METTL15: variants seen among roughly 807,000 people sequenced by gnomAD.
METTL15 encodes 12S rRNA N(4)-cytidine methyltransferase METTL15.
METTL15 carries 34 observed loss-of-function variants against 38.3 expected under a neutral mutation model. That is an observed-to-expected ratio of 0.89 (90% CI 0.68 to 1.18). The LOEUF (loss-of-function observed/expected upper bound fraction) is 1.18. METTL15 is among the 50% of genes most tolerant of loss of function. The pLI is 0.00. For missense variants in METTL15, 438 were observed against 498.4 expected, an observed-to-expected ratio of 0.88 and a Z score of 1.15; for synonymous variants, 162 against 170.9, an observed-to-expected ratio of 0.95 and a Z score of 0.41.
Position 28,330,517 on chromosome 11 carries a change from C to T in METTL15, c.900C>T (p.Tyr300=). The T allele has an allele frequency of 6.4e-7, 1 of 1,551,664 alleles. No homozygotes were observed. The highest frequency in any genetic ancestry group is 8.7e-7 in the Non-Finnish European group (1 of 1,146,970). ...TGAACAATGAGCTCAATGAACTCTA[C>T]ACGGGACTGAAGACAGCTCAGAAGT... ...IFVNNELNEL[Y]TGLKTAQKFL... Residue 300 remains tyrosine (Y), a synonymous_variant, in exon 7 of 7, where the codon TAC becomes TAT. Coordinates refer to ENST00000407364, the MANE Select transcript of METTL15 (RefSeq NM_001113528.2).
chr11:28,469,690 T>C (rs938712656), intron 6 of METTL15, among the ~76,000 whole-genome samples: 2 of 152,140 alleles, frequency 1.3e-5, no homozygotes, highest in South Asian at 2.1e-4. Context: ...GTTACAAGAA[T>C]GTCTACACAT....
At chr11:28,130,767 T>C (rs1422887742) in intron 3 of METTL15, among the ~76,000 whole-genome samples, 1 of 152,210 alleles carries the variant, frequency 6.6e-6, no homozygotes, top group Non-Finnish European at 1.5e-5. Flanking sequence ...TTGCTAAATA[T>C]GACTTGATTT....
At chr11:28,291,474 C>T (rs1856511906) in intron 5 of METTL15, among the ~76,000 whole-genome samples, 1 of 152,098 alleles carries the variant, frequency 6.6e-6, no homozygotes, top group Admixed American at 6.6e-5. Flanking sequence ...TTTTTTCTCT[C>T]ATACCATGCC....
intron 4 of METTL15, among the ~76,000 whole-genome samples, chr11:28,275,642 C>CAAA (rs34145059): frequency 0.075 from 10,373 of 138,718 alleles, 552 homozygotes; most frequent in Non-Finnish European, 0.12. Context: ...ACAAAGATAC[C>CAAA]AAAAAAAAAA....
At chr11:28,399,440 T>C (rs1850608370) in intron 5 of METTL15, among the ~76,000 whole-genome samples, 1 of 152,014 alleles carries the variant, frequency 6.6e-6, no homozygotes, top group African/African-American at 2.4e-5. Context: ...TTTCATCCTT[T>C]GCAGAAAACT....
At chr11:28,163,580 ATACAC>A (rs1407767877) in intron 3 of METTL15, 1 of 395,132 alleles carries the variant, frequency 2.5e-6, no homozygotes, top group Admixed American at 4.4e-5. Flanking sequence ...TGTCTGGAGA[ATACAC>A]AATCAAATGT....
intron 6 of METTL15, among the ~76,000 whole-genome samples, chr11:28,430,404 C>T (rs1850909985): frequency 1.3e-4 from 9 of 70,528 alleles, no homozygotes; most frequent in Admixed American, 1.1e-3. Flanking sequence ...GGCCAGCCGC[C>T]CCGTCCGGGA....
At chr11:28,346,418 A>T (rs1322521617) in intron 3 of METTL15, among the ~76,000 whole-genome samples, 1 of 152,192 alleles carries the variant, frequency 6.6e-6, no homozygotes. Flanking sequence ...GCAATGAGTC[A>T]TATTTTATAG....
chr11:28,374,670 C>G (rs2133378401), intron 5 of METTL15, among the ~76,000 whole-genome samples: 1 of 150,224 alleles, frequency 6.7e-6, no homozygotes, highest in Non-Finnish European at 1.5e-5. Flanking sequence ...CTTCTCCTGC[C>G]TAATTGCCCT....
At chr11:28,390,840 A>G (rs1327909825) in intron 5 of METTL15, among the ~76,000 whole-genome samples, 1 of 152,134 alleles carries the variant, frequency 6.6e-6, no homozygotes, top group East Asian at 1.9e-4. Flanking sequence ...TTTTCATGAT[A>G]TTGATTCTTC....
intron 3 of METTL15, among the ~76,000 whole-genome samples, chr11:28,145,932 A>G (rs1158203718): frequency 6.6e-6 from 1 of 151,966 alleles, no homozygotes. Flanking sequence ...TTTTCTTCGC[A>G]TCTGAATTTT....
At chr11:28,525,842 G>T (rs1485675346) in intron 6 of METTL15, among the ~76,000 whole-genome samples, 1 of 152,254 alleles carries the variant, frequency 6.6e-6, no homozygotes, top group Non-Finnish European at 1.5e-5. Flanking sequence ...GCGCTGTGGA[G>T]CAGGGGGCGG....
intron 6 of METTL15, among the ~76,000 whole-genome samples, chr11:28,485,886 A>G (rs1012768124): frequency 6.6e-6 from 1 of 152,138 alleles, no homozygotes; most frequent in Non-Finnish European, 1.5e-5. Flanking sequence ...ATGTCCTCAG[A>G]TGGCCTTTCT....
At chr11:28,499,740 A>G (rs1355742748) in intron 6 of METTL15, among the ~76,000 whole-genome samples, 2 of 152,208 alleles carry the variant, frequency 1.3e-5, no homozygotes, top group African/African-American at 2.4e-5. Context: ...TGGGCATTTC[A>G]GAGGTCAGGA....
chr11:28,167,983 T>C (rs977786624), intron 3 of METTL15, among the ~76,000 whole-genome samples: 7 of 151,932 alleles, frequency 4.6e-5, no homozygotes, highest in African/African-American at 1.7e-4. Context: ...ACCAGTCCAT[T>C]TTTTTTAGAA....
At chr11:28,195,214 C>A (rs754130786) in intron 3 of METTL15, among the ~76,000 whole-genome samples, 1 of 151,956 alleles carries the variant, frequency 6.6e-6, no homozygotes, top group African/African-American at 2.4e-5. Flanking sequence ...GATTTCTTTT[C>A]TTTTAGGTAG....
Position 28,310,878 on chromosome 11 carries a change from A to ATGCTGCTGC in METTL15, c.778+13977_778+13985dup, listed in dbSNP as rs878913369. Among the ~76,000 whole-genome samples the ATGCTGCTGC allele has an allele frequency of 3.4e-3, 223 of 64,728 alleles. 8 individuals carry two copies. The highest frequency in any genetic ancestry group is 8.8e-3 in the South Asian group (12 of 1,366). The allele number at this position is 64,728 out of a possible 152,430, so 42.5% of individuals were successfully genotyped here. On this transcript the variant is annotated intron_variant, in intron 6 of 6. Coordinates refer to ENST00000407364, the MANE Select transcript of METTL15 (RefSeq NM_001113528.2). ...TTTTCATCTTTAAGACCTAGCTTAAATGCTGCTGCTGCTGCTGCTGCTGCT... is the reference window on the plus strand; with the variant it reads ...TTTTCATCTTTAAGACCTAGCTTAAATGCTGCTGCTGCTGCTGCTGCTGCTGCTGCTGCT...
rs1471292839 is a variant in METTL15, at chr11:28,311,001, TGTGA to T, written c.778+14072_778+14075del. On this transcript the variant is annotated intron_variant, in intron 6 of 6. Transcript: ENST00000407364. ...GTGTGTGTGTGTGTGTGTGTGTGTG[TGTGA>T]GAGAGAGAGAGAGAGAGAGGAAGAG... is the stretch of plus-strand genomic sequence containing the variant. Among the ~76,000 whole-genome samples, 65 of 137,926 alleles carry T rather than the reference TGTGA, an allele frequency of 4.7e-4. 1 individual carries two copies. The highest frequency in any genetic ancestry group is 1.7e-3 in the African/African-American group (55 of 31,822). The allele number at this position is 137,926 out of a possible 152,430, so 90.5% of individuals were successfully genotyped here.
chr11:28,376,244 T>C (rs1051183201), intron 5 of METTL15, among the ~76,000 whole-genome samples: 6 of 152,164 alleles, frequency 3.9e-5, no homozygotes, highest in Middle Eastern at 3.2e-3. Flanking sequence ...GTCTCGTTGG[T>C]CTGTCTAATG....
Sources: gnomAD v4.1 joint callset for allele counts (sites outside exome capture counted in the v4.1 genomes callset) on GRCh38, gnomAD v4.1.1 for gene constraint, MANE v1.5 for transcripts, NCBI Gene and HGNC (gene_info 2026-07-23, HGNC 2026-07-21) for gene names.